The following AUTS2 variants were observed in gnomAD, a reference collection of about 807,000 sequenced individuals.
AUTS2 encodes the protein autism susceptibility gene 2 protein.
A neutral mutation model predicts 112.4 loss-of-function variants in AUTS2; 17 were observed. The observed-to-expected ratio is 0.15, with a 90% CI of 0.10 to 0.23. The LOEUF (loss-of-function observed/expected upper bound fraction) is 0.23, where lower values mean the gene tolerates loss of function less well. Ranked by LOEUF, AUTS2 falls within the 10% of genes least tolerant of loss-of-function variation. The pLI is 1.00. For synonymous variants in AUTS2, 751 were observed against 702.7 expected (o/e 1.07, Z -1.09); for missense variants, 1,510 against 1,701.6 (o/e 0.89, Z 1.98).
intron 2 of AUTS2, among the ~76,000 whole-genome samples, chr7:70,027,980 A>G (rs1253540165): frequency 6.6e-6 from 1 of 152,122 alleles, no homozygotes; most frequent in East Asian, 1.9e-4. Flanking sequence ...GACAGTCATA[A>G]TGTCCTTTTG....
chr7:69,860,048 T>G (rs374819550), intron 1 of AUTS2, among the ~76,000 whole-genome samples: 58 of 152,168 alleles, frequency 3.8e-4, no homozygotes, highest in East Asian at 2.5e-3. Context: ...GGTGTTTTTT[T>G]TTGTTGTTGT....
In AUTS2 at chr7:69,944,373, C is replaced by G. The variant is rs77534299; in HGVS notation, c.522+44875C>G. Among the ~76,000 whole-genome samples the G allele has an allele frequency of 7.3e-3, 1,111 of 152,300 alleles. 4 individuals are homozygous for G. The highest frequency in any genetic ancestry group is 0.011 in the Non-Finnish European group (776 of 68,020). ...AGGGGGCAGCGTTTTTAGATGGAGA[C>G]TGCTGGAGTAGACTCAGGGTCTCTT... On this transcript the variant is annotated intron_variant, in intron 2 of 18. Coordinates refer to ENST00000342771, the MANE Select transcript of AUTS2 (RefSeq NM_015570.4).
intron 3 of AUTS2, among the ~76,000 whole-genome samples, chr7:70,122,453 G>C (rs1368858699): frequency 2.6e-5 from 4 of 152,066 alleles, no homozygotes; most frequent in Non-Finnish European, 5.9e-5. Context: ...TGTGTCACCT[G>C]TGCCATTTCT....
chr7:70,789,612 G>A (rs1237180363), intron 18 of AUTS2, 136 bp from the exon 19 acceptor site: 13 of 1,036,564 alleles, frequency 1.3e-5, no homozygotes, highest in East Asian at 7.6e-5. Context: ...TCCAGGGCAC[G>A]GCTGCTGCCT....
At chr7:70,095,814 A>G (rs1804165739) in intron 2 of AUTS2, among the ~76,000 whole-genome samples, 1 of 152,174 alleles carries the variant, frequency 6.6e-6, no homozygotes, top group Admixed American at 6.5e-5. Context: ...GTGGTTTGCC[A>G]TTTACGAGGA....
chr7:70,406,599 A>C (rs1794545690), intron 4 of AUTS2, among the ~76,000 whole-genome samples: 1 of 152,206 alleles, frequency 6.6e-6, no homozygotes, highest in Admixed American at 6.5e-5. Context: ...GTTAGCCATT[A>C]CGAGGCTGCT....
At chr7:70,582,092 T>C (rs906578265) in intron 5 of AUTS2, among the ~76,000 whole-genome samples, 6 of 151,488 alleles carry the variant, frequency 4.0e-5, no homozygotes, top group African/African-American at 1.5e-4. Flanking sequence ...AGGTCAAACA[T>C]CTAGTTGGTA....
At chr7:69,632,222 A>G (rs569758509) in intron 1 of AUTS2, among the ~76,000 whole-genome samples, 1 of 152,226 alleles carries the variant, frequency 6.6e-6, no homozygotes, top group African/African-American at 2.4e-5. Flanking sequence ...ACCTTACATT[A>G]CTTATTTTTA....
rs368502061 is a variant in AUTS2 at position 70,261,114 on chromosome 7, C to T, written c.660+126543C>T. Among the ~76,000 whole-genome samples, 224 of 152,234 alleles carry T rather than the reference C, an allele frequency of 1.5e-3. 13 individuals carry two copies. In the South Asian group the frequency reaches 0.045, roughly 31 times the overall value. On this transcript the variant is annotated intron_variant, in intron 4 of 18. Transcript: ENST00000342771. ...AGTATACATTACTAGGTGAAAATTACAGCATATAGAGATAATGGTTATTTC... is the reference window on the plus strand; with the variant it reads ...AGTATACATTACTAGGTGAAAATTATAGCATATAGAGATAATGGTTATTTC...
At chr7:69,798,923 C>T (rs970770201) in intron 1 of AUTS2, among the ~76,000 whole-genome samples, 7 of 151,388 alleles carry the variant, frequency 4.6e-5, no homozygotes, top group African/African-American at 1.7e-4. Flanking sequence ...CTCAGGAGTT[C>T]GAGGCTGCAG....
At chr7:70,628,741 TG>T (rs1280955552) in intron 5 of AUTS2, among the ~76,000 whole-genome samples, 1 of 152,048 alleles carries the variant, frequency 6.6e-6, no homozygotes, top group Non-Finnish European at 1.5e-5. Flanking sequence ...TCAAAGGAGA[TG>T]ATCAGGGCCA....
chr7:69,615,138 C>A (rs2851511), intron 1 of AUTS2, among the ~76,000 whole-genome samples: 2 of 151,908 alleles, frequency 1.3e-5, no homozygotes, highest in African/African-American at 4.8e-5. Flanking sequence ...GTCTTTTTAA[C>A]TGTTCCTTGT....
rs145326100 is a variant in AUTS2 at position 69,647,344 on chromosome 7, A to G, written c.309+47382A>G. Reference sequence around the variant, plus strand: ...TCTCAAAATTAGATCAAATGGTCAGACACTTTCACTATCTTTTTTTTTTTT... The same window carrying G: ...TCTCAAAATTAGATCAAATGGTCAGGCACTTTCACTATCTTTTTTTTTTTT... On this transcript the variant is annotated intron_variant, in intron 1 of 18. Coordinates refer to ENST00000342771, the MANE Select transcript of AUTS2 (RefSeq NM_015570.4). Among the ~76,000 whole-genome samples, 3 of 151,334 alleles carry G rather than the reference A, an allele frequency of 2.0e-5. No individual in the cohort carries two copies. In the East Asian group the frequency reaches 5.8e-4, roughly 29 times the overall value.
chr7:70,500,106 GT>G (rs2116613810), intron 5 of AUTS2, among the ~76,000 whole-genome samples: 1 of 150,668 alleles, frequency 6.6e-6, no homozygotes, highest in South Asian at 2.1e-4. Context: ...ACAACTACAC[GT>G]TTCCTCCCTC....
chr7:69,636,986 C>T (rs192642055), intron 1 of AUTS2, among the ~76,000 whole-genome samples: 2,940 of 152,132 alleles, frequency 0.019, 94 homozygotes, highest in African/African-American at 0.064. Context: ...AGGATGGTCT[C>T]GATCTCCTGA....
At chr7:70,417,808 C>G (rs1216919895) in intron 4 of AUTS2, among the ~76,000 whole-genome samples, 2 of 152,154 alleles carry the variant, frequency 1.3e-5, no homozygotes, top group African/African-American at 2.4e-5. Flanking sequence ...CTGCTTTTCT[C>G]CTATCCTGAA....
intron 2 of AUTS2, among the ~76,000 whole-genome samples, chr7:70,113,260 G>A (rs549132246): frequency 1.9e-4 from 29 of 151,910 alleles, no homozygotes; most frequent in African/African-American, 6.3e-4. Context: ...TAGTTATTTT[G>A]TGTTTGCTTA....
chr7:70,242,545 A>C (rs967043082), intron 4 of AUTS2, among the ~76,000 whole-genome samples: 20 of 152,238 alleles, frequency 1.3e-4, no homozygotes, highest in African/African-American at 4.8e-4. Context: ...CCTGACATGC[A>C]GTAGGCACTC....
chr7:70,710,322 C>T (rs1488535935), intron 6 of AUTS2, among the ~76,000 whole-genome samples: 1 of 152,100 alleles, frequency 6.6e-6, no homozygotes, highest in East Asian at 1.9e-4. Context: ...TATGAGATGA[C>T]TCATTTTACC....
Sources: allele counts gnomAD v4.1 joint callset (sites outside exome capture counted in the v4.1 genomes callset), GRCh38; gene constraint gnomAD v4.1.1; transcripts MANE v1.5; gene names NCBI Gene and HGNC (gene_info 2026-07-23, HGNC 2026-07-21).